The following CRBN variants were observed in gnomAD, a reference collection of about 807,000 sequenced individuals.
CRBN encodes protein cereblon.
Under a neutral mutation model 62.2 loss-of-function variants are expected in CRBN, and 53 were observed. The observed-to-expected ratio is 0.85, with a 90% CI of 0.68 to 1.07. The LOEUF (loss-of-function observed/expected upper bound fraction) is 1.07. Among genes scored for constraint, CRBN ranks in the 50% least tolerant of loss-of-function variants. CRBN has a pLI of 0.00. For missense variants in CRBN, 616 were observed against 531.1 expected (o/e 1.16, Z -1.57); for synonymous variants, 208 against 176.1 (o/e 1.18, Z -1.43).
At chr3:3,152,825 A>T (rs140055846) in intron 9 of CRBN, 11 of 547,752 alleles carry the variant, frequency 2.0e-5, no homozygotes, top group African/African-American at 1.7e-4. Flanking sequence ...AGGAAATAGT[A>T]CTTGTTTTTA....
At chr3:3,175,523 C>T (rs1243909909) in intron 1 of CRBN, among the ~76,000 whole-genome samples, 2 of 152,080 alleles carry the variant, frequency 1.3e-5, no homozygotes, top group African/African-American at 4.8e-5. Flanking sequence ...ACAGAATGCT[C>T]CCGTGTGTCA....
At chr3:3,169,464 G>A (rs1339203141) in intron 4 of CRBN, among the ~76,000 whole-genome samples, 3 of 44,556 alleles carry the variant, frequency 6.7e-5, no homozygotes, top group Non-Finnish European at 2.9e-4. Flanking sequence ...ATTAGGTACA[G>A]ACTACTCTAA....
intron 2 of CRBN, 127 bp downstream of exon 2, chr3:3,175,036 A>ATGAGGAT: frequency 1.8e-6 from 1 of 548,666 alleles, no homozygotes; most frequent in Non-Finnish European, 3.2e-6. Flanking sequence ...CTACTGGCAA[A>ATGAGGAT]TAGCCCATGT....
intron 8 of CRBN, 170 bp from the exon 9 acceptor site, chr3:3,153,658 T>C (rs1706739048): frequency 1.6e-6 from 1 of 634,556 alleles, no homozygotes; most frequent in South Asian, 1.9e-5. Flanking sequence ...CGAAAGTCAC[T>C]GAAACTGAGA....
Position 3,150,940 on chromosome 3 carries a change from C to T in CRBN, c.1254G>A (p.Thr418=), listed in dbSNP as rs200513126. Residue 418 remains threonine, a synonymous_variant, in exon 11 of 11, where the codon ACG becomes ACA. Coordinates refer to ENST00000231948, the MANE Select transcript of CRBN (RefSeq NM_016302.4). ...GGATCGTGGGCAACAGAGCAGATCGCGTTAAGCCCCAAAATTTTTGAGGTG... is the reference window on the plus strand; with the variant it reads ...GGATCGTGGGCAACAGAGCAGATCGTGTTAAGCCCCAAAATTTTTGAGGTG... The part of the protein sequence containing the change: ...DMSPQKFWGL[T]RSALLPTIPD... 18 of 1,613,976 alleles carry T rather than the reference C, an allele frequency of 1.1e-5. No individual in the cohort carries two copies. Among genetic ancestry groups the T allele is most frequent in the East Asian group, 8.9e-5 (4 of 44,860 alleles).
At chr3:3,179,133 T>C (rs1488080145) in intron 1 of CRBN, among the ~76,000 whole-genome samples, 12 of 152,146 alleles carry the variant, frequency 7.9e-5, no homozygotes, top group Admixed American at 7.2e-4. Flanking sequence ...AATCCAATAC[T>C]CGCTTATCAA....
chr3:3,171,709 C>T (rs1349567793), intron 4 of CRBN, among the ~76,000 whole-genome samples: 1 of 152,114 alleles, frequency 6.6e-6, no homozygotes, highest in Non-Finnish European at 1.5e-5. Flanking sequence ...TATAGGAACG[C>T]CCACCATGTG....
chr3:3,155,153 C>T, intron 6 of CRBN: 1 of 343,660 alleles, frequency 2.9e-6, no homozygotes, highest in South Asian at 3.8e-5. Context: ...ATTTCTGACC[C>T]AGTCCATAGG....
At chr3:3,155,116 G>A (rs114152489) in intron 6 of CRBN, 5,269 of 430,916 alleles carry the variant, frequency 0.012, 103 homozygotes, top group South Asian at 0.024. Context: ...GCTTGGAACT[G>A]GCCTCTCTTC....
intron 5 of CRBN, among the ~76,000 whole-genome samples, chr3:3,163,749 G>A (rs1292776134): frequency 1.3e-5 from 2 of 151,994 alleles, no homozygotes; most frequent in Non-Finnish European, 2.9e-5. Flanking sequence ...TCTTGGTGCG[G>A]AAGAACTATT....
In CRBN at chr3:3,171,749, A is replaced by G. The variant is rs772524634; in HGVS notation, c.527+1027T>C. ...AAACAGACAAAACGTTCCTGCCCTCATGCTGCTCACATTGTTTTTTCAGTC... is the reference window on the plus strand; with the variant it reads ...AAACAGACAAAACGTTCCTGCCCTCGTGCTGCTCACATTGTTTTTTCAGTC... On this transcript the variant is annotated intron_variant, in intron 4 of 10. Coordinates refer to ENST00000231948, the MANE Select transcript of CRBN (RefSeq NM_016302.4). Among the ~76,000 whole-genome samples the G allele has an allele frequency of 4.0e-4, 61 of 152,134 alleles. 1 individual carries two copies. Among genetic ancestry groups the G allele is most frequent in the Admixed American group, 2.4e-3 (37 of 15,274 alleles).
chr3:3,159,585 T>C (rs1197643254), intron 5 of CRBN, among the ~76,000 whole-genome samples: 1 of 152,250 alleles, frequency 6.6e-6, no homozygotes, highest in Non-Finnish European at 1.5e-5. Flanking sequence ...GCATTCACTC[T>C]GCCACCATGC....
intron 5 of CRBN, among the ~76,000 whole-genome samples, chr3:3,166,106 T>G (rs1245287968): frequency 6.6e-6 from 1 of 152,188 alleles, no homozygotes; most frequent in Non-Finnish European, 1.5e-5. Flanking sequence ...CACGGTGATA[T>G]GATCTGGCTG....
At chr3:3,168,983 C>T (rs901181656) in intron 4 of CRBN, among the ~76,000 whole-genome samples, 9 of 152,140 alleles carry the variant, frequency 5.9e-5, no homozygotes, top group Admixed American at 6.5e-5. Flanking sequence ...ACACAAATAA[C>T]TTGTTAATTA....
chr3:3,161,873 A>G (rs1045108218), intron 5 of CRBN, among the ~76,000 whole-genome samples: 1 of 152,252 alleles, frequency 6.6e-6, no homozygotes, highest in Non-Finnish European at 1.5e-5. Flanking sequence ...AATTCCAAGC[A>G]GCTTTAAGAA....
rs566932471 is a variant in CRBN, at chr3:3,150,920, G to A, written c.1274C>T (p.Thr425Met). 4.2e-4 allele frequency: 679 copies of A among 1,613,932 alleles called. 10 individuals are homozygous for A. In the South Asian group the frequency reaches 6.9e-3, roughly 16 times the overall value. Residue 425 changes from threonine to methionine, a missense_variant, in exon 11 of 11, where the codon ACG becomes ATG. Coordinates refer to ENST00000231948, the MANE Select transcript of CRBN (RefSeq NM_016302.4). ...TATTTCATCTTCAGTGTCTGGGATC[G>A]TGGGCAACAGAGCAGATCGCGTTAA... ...WGLTRSALLP[T>M]IPDTEDEISP...
At position 3,152,298 on chromosome 3, in the gene CRBN, C is replaced by T. The variant is rs567638073; in HGVS notation, c.1148+158G>A. 7.2e-5 allele frequency among the ~76,000 whole-genome samples: 11 copies of T among 151,790 alleles called. 1 individual carries two copies. The South Asian group carries it at 2.3e-3, about 32-fold the overall frequency. Reference sequence around the variant, plus strand: ...ATCCCGAGCAGCTGGGAGTACAGACCCCTGCCCCCATACCCGGCTAATTTT... The same window carrying T: ...ATCCCGAGCAGCTGGGAGTACAGACTCCTGCCCCCATACCCGGCTAATTTT... On this transcript the variant is annotated intron_variant, in intron 10 of 10. Transcript: ENST00000231948.
intron 6 of CRBN, 171 bp from the exon 7 acceptor site, chr3:3,155,002 C>T: frequency 1.6e-6 from 1 of 627,548 alleles, no homozygotes; most frequent in Admixed American, 2.5e-5. Flanking sequence ...AGCTCCAGCT[C>T]CTTTGCCCAG....
chr3:3,152,307 C>T lies in CRBN; in HGVS notation c.1148+149G>A, dbSNP rs1401413459. The T allele has an allele frequency of 4.9e-6, 4 of 817,996 alleles. No homozygotes were observed. The East Asian group carries it at 1.1e-4, about 21-fold the overall frequency. 50.7% of individuals were successfully genotyped at this position (817,996 alleles called of 1,614,324 possible). On this transcript the variant is annotated intron_variant, in intron 10 of 10. Transcript: ENST00000231948. ...AGCTGGGAGTACAGACCCCTGCCCC[C>T]ATACCCGGCTAATTTTTGTAGCAAA...
Sources: gnomAD v4.1 joint callset for allele counts (sites outside exome capture counted in the v4.1 genomes callset) on GRCh38, gnomAD v4.1.1 for gene constraint, MANE v1.5 for transcripts, NCBI Gene and HGNC (gene_info 2026-07-23, HGNC 2026-07-21) for gene names.